Variants in ADGRL2 observed in about 807,000 individuals in gnomAD.
ADGRL2 encodes the protein adhesion G protein-coupled receptor L2.
In ADGRL2, 44 loss-of-function variants were observed where a neutral mutation model predicts 157.4. The ratio of observed to expected loss-of-function variants is 0.28; its 90% CI spans 0.22 to 0.36. The LOEUF is 0.36. ADGRL2 is among the 10% of genes least tolerant of loss of function. The pLI is 1.00. For synonymous variants in ADGRL2, 585 were observed against 624.7 expected (o/e 0.94, Z 0.95); for missense variants, 1,510 against 1,768.9 (o/e 0.85, Z 2.63).
intron 3 of ADGRL2, among the ~76,000 whole-genome samples, chr1:81,647,620 T>C (rs2082339273): frequency 6.6e-6 from 1 of 152,190 alleles, no homozygotes; most frequent in Non-Finnish European, 1.5e-5. Context: ...CCTCAAGGTA[T>C]CCCAAAAATC....
intron 3 of ADGRL2, among the ~76,000 whole-genome samples, chr1:81,592,360 GTTAT>G (rs2081149069): frequency 6.6e-6 from 1 of 152,162 alleles, no homozygotes; most frequent in African/African-American, 2.4e-5. Flanking sequence ...CCGATAAAAT[GTTAT>G]TTACAAAAAG....
rs778839893 is a variant in ADGRL2, at chr1:81,981,878, A to T, written c.3184A>T (p.Ile1062Phe). The change falls in exon 19 of 24, where the codon ATT becomes TTT. Residue 1062 changes from isoleucine to phenylalanine, a missense_variant. Ile to Phe is a conservative substitution (Grantham distance 21). Coordinates refer to ENST00000686636, the MANE Select transcript of ADGRL2 (RefSeq NM_001366006.2). ...GLTWSFGLLFINEETIVMAYL... is the reference protein window; with the variant it reads ...GLTWSFGLLFFNEETIVMAYL... ...CACCTGGTCCTTTGGGTTGCTTTTTATTAATGAGGAGACTATTGTGATGGC... is the reference window on the plus strand; with the variant it reads ...CACCTGGTCCTTTGGGTTGCTTTTTTTTAATGAGGAGACTATTGTGATGGC... 4 of 1,612,250 alleles carry T rather than the reference A, an allele frequency of 2.5e-6. No individual in the cohort carries two copies. In the African/African-American group the frequency reaches 4.0e-5, roughly 16 times the overall value.
intron 2 of ADGRL2, among the ~76,000 whole-genome samples, chr1:81,465,601 A>T (rs938485545): frequency 1.1e-4 from 16 of 152,074 alleles, no homozygotes; most frequent in Non-Finnish European, 7.4e-5. Context: ...AAAAATGAAA[A>T]ATTTTTCTAG....
chr1:81,650,953 G>T (rs1016363593), intron 3 of ADGRL2, among the ~76,000 whole-genome samples: 2 of 151,992 alleles, frequency 1.3e-5, no homozygotes, highest in Non-Finnish European at 2.9e-5. Context: ...TCTTGTACCT[G>T]GCATGTTTCC....
chr1:81,894,533 T>G (rs942085538), intron 2 of ADGRL2, among the ~76,000 whole-genome samples: 2 of 152,158 alleles, frequency 1.3e-5, no homozygotes, highest in African/African-American at 4.8e-5. Flanking sequence ...ATCTGTGAGA[T>G]AAAAATAATC....
chr1:81,747,225 GTATATATACA>G (rs1255764230), intron 1 of ADGRL2, among the ~76,000 whole-genome samples: 1 of 144,862 alleles, frequency 6.9e-6, no homozygotes, highest in Non-Finnish European at 1.5e-5. Context: ...GTGTATATAT[GTATATATACA>G]TATATATGTA....
chr1:81,522,663 A>G (rs1195929016), intron 2 of ADGRL2, among the ~76,000 whole-genome samples: 1 of 152,182 alleles, frequency 6.6e-6, no homozygotes, highest in African/African-American at 2.4e-5. Context: ...CTGATTTTTT[A>G]AGAGGAAAAG....
At chr1:81,516,993 A>G (rs568698232) in intron 2 of ADGRL2, among the ~76,000 whole-genome samples, 7 of 152,116 alleles carry the variant, frequency 4.6e-5, no homozygotes, top group Non-Finnish European at 1.0e-4. Context: ...AGAAGATGCA[A>G]GTTACTCACT....
At chr1:81,725,744 T>C (rs1449660295) in intron 1 of ADGRL2, among the ~76,000 whole-genome samples, 2 of 152,196 alleles carry the variant, frequency 1.3e-5, no homozygotes, top group Non-Finnish European at 2.9e-5. Context: ...GTAAAATTCC[T>C]CTTCTGAAAA....
At chr1:81,418,450 T>C (rs2077069080) in intron 1 of ADGRL2, among the ~76,000 whole-genome samples, 1 of 152,074 alleles carries the variant, frequency 6.6e-6, no homozygotes, top group Admixed American at 6.5e-5. Context: ...ACCTAAAAAA[T>C]GAATTTAAAT....
chr1:81,965,998 C>T, intron 11 of ADGRL2, 60 bp from the exon 12 acceptor site: 1 of 1,546,270 alleles, frequency 6.5e-7, no homozygotes, highest in Non-Finnish European at 8.8e-7. Flanking sequence ...CATTTGCCTC[C>T]TTAGTTAACT....
At chr1:81,963,075 T>C (rs1655953737) in intron 11 of ADGRL2, among the ~76,000 whole-genome samples, 2 of 152,110 alleles carry the variant, frequency 1.3e-5, no homozygotes, top group Non-Finnish European at 2.9e-5. Flanking sequence ...TCTTCATTTT[T>C]TTCTTAGGTC....
intron 11 of ADGRL2, 24 bp downstream of exon 11, chr1:81,956,084 TA>T (rs1216447154): frequency 6.5e-7 from 1 of 1,536,660 alleles, no homozygotes; most frequent in Non-Finnish European, 8.8e-7. Context: ...CTGTCAAGTT[TA>T]ATTTTGATTT....
At chr1:81,573,547 A>G (rs2080737574) in intron 2 of ADGRL2, among the ~76,000 whole-genome samples, 1 of 152,138 alleles carries the variant, frequency 6.6e-6, no homozygotes, top group African/African-American at 2.4e-5. Flanking sequence ...CATGTGTGGG[A>G]ATGAAAATAG....
chr1:81,342,836 A>C (rs1442710275), intron 1 of ADGRL2, among the ~76,000 whole-genome samples: 2 of 152,066 alleles, frequency 1.3e-5, no homozygotes, highest in Non-Finnish European at 2.9e-5. Context: ...TAGGTTGGGG[A>C]ATTTAGATTT....
intron 3 of ADGRL2, among the ~76,000 whole-genome samples, chr1:81,694,153 T>C (rs2083397540): frequency 6.6e-6 from 1 of 152,060 alleles, no homozygotes; most frequent in Non-Finnish European, 1.5e-5. Flanking sequence ...AAAATGGATC[T>C]CTCCTTCCTA....
chr1:81,891,863 G>T (rs2094274588), intron 2 of ADGRL2, among the ~76,000 whole-genome samples: 1 of 151,800 alleles, frequency 6.6e-6, no homozygotes, highest in South Asian at 2.1e-4. Context: ...TAGTATTATT[G>T]TTATTCTAAC....
chr1:81,801,569 C>T (rs1237293978), intron 1 of ADGRL2, among the ~76,000 whole-genome samples: 2 of 152,322 alleles, frequency 1.3e-5, no homozygotes, highest in African/African-American at 2.4e-5. Flanking sequence ...TTCCCGGCTA[C>T]TCCTTGCTTC....
chr1:81,317,201 C>T (rs1243161152), intron 1 of ADGRL2, among the ~76,000 whole-genome samples: 1 of 152,132 alleles, frequency 6.6e-6, no homozygotes, highest in Admixed American at 6.5e-5. Flanking sequence ...ACAACAATGA[C>T]TAATTCTTCC....
Sources: gnomAD v4.1 joint callset for allele counts (sites outside exome capture counted in the v4.1 genomes callset) on GRCh38, gnomAD v4.1.1 for gene constraint, MANE v1.5 for transcripts, NCBI Gene and HGNC (gene_info 2026-07-23, HGNC 2026-07-21) for gene names.